ADGRL2: variants seen among roughly 807,000 people sequenced by gnomAD.
ADGRL2 encodes adhesion G protein-coupled receptor L2.
Under a neutral mutation model 157.4 loss-of-function variants are expected in ADGRL2, and 44 were observed. The ratio of observed to expected loss-of-function variants is 0.28; its 90% CI spans 0.22 to 0.36. The LOEUF (loss-of-function observed/expected upper bound fraction) is 0.36. ADGRL2 is among the 10% of genes least tolerant of loss of function. ADGRL2 has a pLI of 1.00. For missense variants in ADGRL2, 1,510 were observed against 1,768.9 expected, an observed-to-expected ratio of 0.85 and a Z score of 2.63; for synonymous variants, 585 against 624.7, an observed-to-expected ratio of 0.94 and a Z score of 0.95.
At chr1:81,345,874 T>C (rs2100798165) in intron 1 of ADGRL2, among the ~76,000 whole-genome samples, 1 of 152,370 alleles carries the variant, frequency 6.6e-6, no homozygotes, top group African/African-American at 2.4e-5. Flanking sequence ...TCATTATGTA[T>C]TATATTCACT....
intron 1 of ADGRL2, among the ~76,000 whole-genome samples, chr1:81,715,261 A>T (rs1359620558): frequency 6.6e-6 from 1 of 151,706 alleles, no homozygotes; most frequent in Non-Finnish European, 1.5e-5. Context: ...AAAAAGCCAC[A>T]TTTATTCACA....
chr1:81,807,839 C>A (rs576712166), intron 1 of ADGRL2, among the ~76,000 whole-genome samples: 38 of 151,492 alleles, frequency 2.5e-4, no homozygotes, highest in Non-Finnish European at 4.6e-4. Context: ...AGATCCTAAT[C>A]AAAAATATTT....
In ADGRL2 at chr1:81,556,967, T is replaced by C. The variant is rs796859567; in HGVS notation, c.-247-23909T>C. 8.2e-5 allele frequency among the ~76,000 whole-genome samples: 12 copies of C among 147,170 alleles called. 1 individual carries two copies. Among genetic ancestry groups the C allele is most frequent in the African/African-American group, 3.0e-4 (12 of 39,498 alleles). Reference sequence around the variant, plus strand: ...GGTGTCGTATGCCTGTAATCCCAGCTACTCGAGAGACTGAGGCAGAGAATT... The same window carrying C: ...GGTGTCGTATGCCTGTAATCCCAGCCACTCGAGAGACTGAGGCAGAGAATT... On this transcript the variant is annotated intron_variant, in intron 2 of 24. Transcript: ENST00000370721.
At chr1:81,899,566 C>A (rs2151595819) in intron 2 of ADGRL2, among the ~76,000 whole-genome samples, 1 of 152,228 alleles carries the variant, frequency 6.6e-6, no homozygotes, top group Admixed American at 6.6e-5. Flanking sequence ...TCATTTTACT[C>A]TAAGCACCGC....
At chr1:81,855,861 A>G (rs886530836) in intron 2 of ADGRL2, among the ~76,000 whole-genome samples, 5 of 152,186 alleles carry the variant, frequency 3.3e-5, no homozygotes, top group Non-Finnish European at 1.5e-5. Flanking sequence ...ATATTGAATG[A>G]GAGTAGATAA....
At chr1:81,515,976 T>G (rs61454156) in intron 2 of ADGRL2, among the ~76,000 whole-genome samples, 1 of 152,344 alleles carries the variant, frequency 6.6e-6, no homozygotes, top group South Asian at 2.1e-4. Flanking sequence ...CTTCATGGTA[T>G]TCCATTGTCA....
At chr1:81,517,333 T>C (rs1419323333) in intron 2 of ADGRL2, among the ~76,000 whole-genome samples, 1 of 151,778 alleles carries the variant, frequency 6.6e-6, no homozygotes, top group East Asian at 1.9e-4. Context: ...TAGCTGGGCA[T>C]GGTGGTGCAC....
intron 2 of ADGRL2, among the ~76,000 whole-genome samples, chr1:81,449,939 A>G (rs946892131): frequency 6.6e-6 from 1 of 152,174 alleles, no homozygotes; most frequent in African/African-American, 2.4e-5. Flanking sequence ...GCAAAGCTCA[A>G]TGAGTAACCC....
intron 1 of ADGRL2, among the ~76,000 whole-genome samples, chr1:81,373,741 C>T (rs6677076): frequency 0.52 from 79,011 of 152,072 alleles, 23,066 homozygotes; most frequent in East Asian, 0.75. Flanking sequence ...AAGTGTGACA[C>T]TTCATTACTT....
intron 1 of ADGRL2, among the ~76,000 whole-genome samples, chr1:81,746,887 C>A (rs567297793): frequency 1.3e-5 from 2 of 149,114 alleles, no homozygotes; most frequent in Non-Finnish European, 1.5e-5. Flanking sequence ...CACGTGCACA[C>A]GTATACACGT....
intron 2 of ADGRL2, among the ~76,000 whole-genome samples, chr1:81,784,727 CAAAA>C (rs375897514): frequency 9.1e-6 from 1 of 110,270 alleles, no homozygotes. Flanking sequence ...GACCCCGTCT[CAAAA>C]AAAAAAAAAA....
At chr1:81,337,829 T>A (rs989556840) in intron 1 of ADGRL2, among the ~76,000 whole-genome samples, 5 of 152,108 alleles carry the variant, frequency 3.3e-5, no homozygotes, top group Non-Finnish European at 5.9e-5. Context: ...TTCCAGCCCT[T>A]TGAGGTTCTG....
At chr1:81,975,669 C>T (rs952878326) in intron 17 of ADGRL2, among the ~76,000 whole-genome samples, 1 of 151,730 alleles carries the variant, frequency 6.6e-6, no homozygotes, top group Non-Finnish European at 1.5e-5. Context: ...GGGGAAAGCA[C>T]AGAAGTATAT....
chr1:81,406,850 C>T (rs1045394590), intron 1 of ADGRL2, among the ~76,000 whole-genome samples: 6 of 152,104 alleles, frequency 3.9e-5, no homozygotes, highest in Non-Finnish European at 7.3e-5. Context: ...AGTCTCTAGG[C>T]AAATGCTGCA....
At chr1:81,972,022 A>G (rs1246611563) in intron 17 of ADGRL2, 104 bp downstream of exon 17, 2 of 582,134 alleles carry the variant, frequency 3.4e-6, no homozygotes, top group African/African-American at 3.8e-5. Context: ...CTATACAAAG[A>G]TTTATAAATA....
intron 1 of ADGRL2, among the ~76,000 whole-genome samples, chr1:81,732,775 G>C (rs77748904): frequency 0.013 from 2,006 of 152,172 alleles, 42 homozygotes; most frequent in African/African-American, 0.046. Context: ...AATCACAATG[G>C]CTATGTTGAA....
chr1:81,698,011 T>C (rs1352937366), upstream of ADGRL2, among the ~76,000 whole-genome samples: 1 of 152,152 alleles, frequency 6.6e-6, no homozygotes, highest in Non-Finnish European at 1.5e-5. Flanking sequence ...ATCTCTCCAA[T>C]ATGGTGATAG....
rs184904128 is a variant in ADGRL2, at chr1:81,958,481, G to A, written c.2017+2421G>A. Among the ~76,000 whole-genome samples, 3 of 152,022 alleles carry A rather than the reference G, an allele frequency of 2.0e-5. No individual in the cohort carries two copies. In the East Asian group the frequency reaches 5.8e-4, roughly 29 times the overall value. ...TTGAGGACATGGCTATAATGTCTTA[G>A]GTTATTAAAACAATTTGATTTTCCT... On this transcript the variant is annotated intron_variant, in intron 11 of 23. Coordinates refer to ENST00000686636, the MANE Select transcript of ADGRL2 (RefSeq NM_001366006.2).
chr1:81,603,192 C>T (rs973018975), intron 3 of ADGRL2, among the ~76,000 whole-genome samples: 5 of 152,278 alleles, frequency 3.3e-5, no homozygotes, highest in Non-Finnish European at 5.9e-5. Flanking sequence ...TAGTTCCTGT[C>T]TCCAAATCTA....
Sources: allele counts gnomAD v4.1 joint callset (sites outside exome capture counted in the v4.1 genomes callset), GRCh38; gene constraint gnomAD v4.1.1; transcripts MANE v1.5; gene names NCBI Gene and HGNC (gene_info 2026-07-23, HGNC 2026-07-21).